The following VPS37A variants were observed in gnomAD, a reference collection of about 807,000 sequenced individuals.
The protein encoded by VPS37A is VPS37A subunit of ESCRT-I.
A neutral mutation model predicts 49.8 loss-of-function variants in VPS37A; 30 were observed. The observed-to-expected ratio is 0.60, with a 90% CI of 0.45 to 0.82. The LOEUF (loss-of-function observed/expected upper bound fraction) is 0.82. VPS37A is among the 40% of genes least tolerant of loss of function. The pLI is 0.00. For missense variants in VPS37A, 593 were observed against 464.4 expected, an observed-to-expected ratio of 1.28 and a Z score of -2.55; for synonymous variants, 195 against 160.6, an observed-to-expected ratio of 1.21 and a Z score of -1.62.
chr8:17,279,782 C>A (rs961092196), intron 6 of VPS37A: 1 of 542,490 alleles, frequency 1.8e-6, no homozygotes, highest in African/African-American at 1.9e-5. Flanking sequence ...GTAGATATAT[C>A]GATATATCCA....
chr8:17,307,334 A>G (rs148330573), downstream of VPS37A, among the ~76,000 whole-genome samples: 845 of 152,356 alleles, frequency 5.5e-3, 8 homozygotes, highest in African/African-American at 0.02. Flanking sequence ...AACCACAATG[A>G]TACACCATCT....
downstream of VPS37A, among the ~76,000 whole-genome samples, chr8:17,306,163 T>G (rs1448011327): frequency 6.6e-6 from 1 of 152,154 alleles, no homozygotes; most frequent in Non-Finnish European, 1.5e-5. Flanking sequence ...ATAGAAGGGA[T>G]GCGTTCACGT....
At chr8:17,286,927 C>G (rs923086596) in intron 11 of VPS37A, among the ~76,000 whole-genome samples, 2 of 152,208 alleles carry the variant, frequency 1.3e-5, no homozygotes, top group African/African-American at 4.8e-5. Context: ...AAAATTTGCT[C>G]TACTCCAGAA....
downstream of VPS37A, chr8:17,304,422 C>A (rs2150468026): frequency 1.2e-6 from 2 of 1,613,922 alleles, 1 homozygote; most frequent in East Asian, 4.5e-5. Context: ...TGAAGGGTTC[C>A]CTGAGTCTGG....
chr8:17,298,186 G>A (rs1384807507), downstream of VPS37A: 1 of 152,000 alleles, frequency 6.6e-6, no homozygotes, highest in Non-Finnish European at 1.5e-5. Flanking sequence ...ATAAAAATGT[G>A]AAAGCCATTA....
At chr8:17,318,918 A>C in the VPS37A span, among the ~76,000 whole-genome samples, 2 of 152,076 alleles carry the variant, frequency 1.3e-5, no homozygotes, top group African/African-American at 2.4e-5. Context: ...TCACATCTCC[A>C]ACGTCTCCTG....
chr8:17,307,460 T>C, the VPS37A span, among the ~76,000 whole-genome samples: 2 of 152,102 alleles, frequency 1.3e-5, no homozygotes, highest in African/African-American at 4.8e-5. Context: ...AGTTCAACCA[T>C]TGTGGAAGTC....
downstream of VPS37A, chr8:17,302,083 A>G: frequency 6.3e-7 from 1 of 1,587,650 alleles, no homozygotes; most frequent in Non-Finnish European, 8.6e-7. Flanking sequence ...GAATCTTAAG[A>G]GGCTTTCATG....
intron 4 of VPS37A, among the ~76,000 whole-genome samples, chr8:17,270,601 T>C (rs1813884909): frequency 6.6e-6 from 1 of 152,044 alleles, no homozygotes; most frequent in Non-Finnish European, 1.5e-5. Context: ...CTAAAGTTAG[T>C]CACCTAGATC....
At chr8:17,302,069 C>T, downstream of VPS37A, 1 of 1,550,078 alleles carries the variant, frequency 6.5e-7, no homozygotes, top group East Asian at 2.2e-5. Flanking sequence ...ATTTGTATTG[C>T]ACTGAATCTT....
chr8:17,247,696 T>A (rs1195946510), intron 1 of VPS37A: 2 of 702,866 alleles, frequency 2.8e-6, no homozygotes, highest in Non-Finnish European at 5.2e-6. Flanking sequence ...TCGCCACTGA[T>A]CTTTCCCTTT....
At chr8:17,254,235 T>C (rs1812228288) in intron 1 of VPS37A, among the ~76,000 whole-genome samples, 1 of 152,090 alleles carries the variant, frequency 6.6e-6, no homozygotes, top group South Asian at 2.1e-4. Context: ...GAATGACGAG[T>C]CCTTAGGTAG....
intron 1 of VPS37A, among the ~76,000 whole-genome samples, chr8:17,256,785 T>A (rs1232091356): frequency 6.6e-6 from 1 of 152,072 alleles, no homozygotes; most frequent in East Asian, 1.9e-4. Context: ...TCCAAGTAGC[T>A]GGGATTACAG....
At chr8:17,247,542 C>T in intron 1 of VPS37A, 173 bp downstream of exon 1, 2 of 915,608 alleles carry the variant, frequency 2.2e-6, no homozygotes, top group Non-Finnish European at 3.4e-6. Context: ...TTACTGTTTT[C>T]CTCCGGACCC....
In VPS37A at chr8:17,268,298, A is replaced by G; in HGVS notation, c.241A>G (p.Ser81Gly). 6.2e-7 allele frequency: 1 copy of G among 1,613,318 alleles called. No homozygotes were observed. The highest frequency in any genetic ancestry group is 8.5e-7 in the Non-Finnish European group (1 of 1,179,768). ...PQFPQEKPVI[S>G]VYPPIRHHLM... is the part of the protein sequence containing the mutation. Reference sequence around the variant, plus strand: ...GTTTCCTCAGGAAAAACCAGTGATCAGTGTTTATCCACCAATACGACATCA... The same window carrying G: ...GTTTCCTCAGGAAAAACCAGTGATCGGTGTTTATCCACCAATACGACATCA... Residue 81 changes from serine to glycine, a missense_variant, in exon 3 of 12, where the codon AGT becomes GGT. Physicochemically the swap from Ser to Gly is moderately conservative, Grantham distance 56. Transcript: ENST00000324849.
chr8:17,307,221 C>T (rs1563318093), downstream of VPS37A, among the ~76,000 whole-genome samples: 1 of 152,156 alleles, frequency 6.6e-6, no homozygotes, highest in African/African-American at 2.4e-5. Context: ...AAAAAGTGGG[C>T]AAAGGATATG....
the VPS37A span, among the ~76,000 whole-genome samples, chr8:17,312,509 A>T: frequency 7.1e-6 from 1 of 141,408 alleles, no homozygotes; most frequent in Non-Finnish European, 1.5e-5. Flanking sequence ...TGGGAGGCAG[A>T]GGTTGCAGCA....
intron 1 of VPS37A, among the ~76,000 whole-genome samples, chr8:17,261,766 G>A (rs1217763782): frequency 3.3e-5 from 5 of 152,184 alleles, no homozygotes; most frequent in African/African-American, 1.2e-4. Flanking sequence ...CAACAGTGTG[G>A]GAAGGCTGGC....
At chr8:17,308,130 CTT>C in the VPS37A span, among the ~76,000 whole-genome samples, 6 of 151,794 alleles carry the variant, frequency 4.0e-5, no homozygotes, top group African/African-American at 7.3e-5. Context: ...GAATTTTAGT[CTT>C]TTATGGCTTC....
Sources: gnomAD v4.1 joint callset for allele counts (sites outside exome capture counted in the v4.1 genomes callset) on GRCh38, gnomAD v4.1.1 for gene constraint, MANE v1.5 for transcripts, NCBI Gene and HGNC (gene_info 2026-07-23, HGNC 2026-07-21) for gene names.